Variants in ST18 observed in about 807,000 individuals in gnomAD.
ST18 encodes suppression of tumorigenicity 18 protein.
A neutral mutation model predicts 110.0 loss-of-function variants in ST18; 50 were observed. That is an observed-to-expected ratio of 0.45 (90% CI 0.36 to 0.58). The LOEUF (loss-of-function observed/expected upper bound fraction) is 0.58. Ranked by LOEUF, ST18 falls within the 20% of genes least tolerant of loss-of-function variation. The probability of loss-of-function intolerance (pLI) is 0.00; values close to 1 mark genes in which losing one functional copy is unlikely to be tolerated. For missense variants in ST18, 1,306 were observed against 1,280.1 expected, an observed-to-expected ratio of 1.02 and a Z score of -0.31; for synonymous variants, 461 against 452.4, an observed-to-expected ratio of 1.02 and a Z score of -0.24.
At chr8:52,248,050 A>T (rs1423727892) in intron 2 of ST18, among the ~76,000 whole-genome samples, 1 of 151,390 alleles carries the variant, frequency 6.6e-6, no homozygotes, top group Non-Finnish European at 1.5e-5. Flanking sequence ...GGCACATTTA[A>T]CAGAGGAAAA....
intron 3 of ST18, among the ~76,000 whole-genome samples, chr8:52,222,731 A>G (rs1490570186): frequency 6.6e-6 from 1 of 152,204 alleles, no homozygotes; most frequent in African/African-American, 2.4e-5. Context: ...GCACTATCAG[A>G]TCAAGGAGAT....
At chr8:52,132,576 C>T (rs1003096910) in intron 21 of ST18, among the ~76,000 whole-genome samples, 9 of 152,198 alleles carry the variant, frequency 5.9e-5, no homozygotes, top group African/African-American at 1.9e-4. Context: ...ACAGACGCTG[C>T]ATAGCACATT....
chr8:52,165,408 T>C (rs1038394980), intron 11 of ST18, among the ~76,000 whole-genome samples, 183 bp from the exon 12 acceptor site: 2 of 152,222 alleles, frequency 1.3e-5, no homozygotes, highest in South Asian at 2.1e-4. Flanking sequence ...TCCAGCAAGC[T>C]TGATCAAGTT....
chr8:52,277,048 T>A (rs1407149155), intron 2 of ST18, among the ~76,000 whole-genome samples: 2 of 152,220 alleles, frequency 1.3e-5, no homozygotes, highest in African/African-American at 2.4e-5. Context: ...ATTATAGGCA[T>A]GAGCCACAGT....
chr8:52,295,632 T>C (rs2095621154), intron 2 of ST18, among the ~76,000 whole-genome samples: 2 of 151,980 alleles, frequency 1.3e-5, no homozygotes, highest in African/African-American at 2.4e-5. Flanking sequence ...AGTACCTCTT[T>C]AGTAAGGTCA....
At chr8:52,161,262 C>A in intron 14 of ST18, 113 bp downstream of exon 14, 1 of 1,009,564 alleles carries the variant, frequency 9.9e-7, no homozygotes. Flanking sequence ...TCTCTCCTGC[C>A]AGCTGTATGT....
Position 52,110,997 on chromosome 8 carries a change from A to C in ST18, c.*2201T>G, listed in dbSNP as rs180693493. 2 of 398,812 alleles carry C rather than the reference A, an allele frequency of 5.0e-6. No individual in the cohort carries two copies. Among genetic ancestry groups the C allele is most frequent in the East Asian group, 7.1e-5 (2 of 28,020 alleles). The allele number at this position is 398,812 out of a possible 1,614,324, so 24.7% of individuals were successfully genotyped here. A position where few individuals can be genotyped will look rare whatever the true frequency, so the allele number is the denominator to read the frequency against. Reference sequence around the variant, plus strand: ...ATACATCATTGCCTTTTTGTTTACAAAAGACCCAATTTACAGTATTGATCA... The same window carrying C: ...ATACATCATTGCCTTTTTGTTTACACAAGACCCAATTTACAGTATTGATCA... On this transcript the variant is annotated 3_prime_UTR_variant, in exon 26 of 26. Transcript: ENST00000689386.
At chr8:52,402,553 G>A (rs1294715058) in intron 2 of ST18, among the ~76,000 whole-genome samples, 1 of 152,184 alleles carries the variant, frequency 6.6e-6, no homozygotes, top group Non-Finnish European at 1.5e-5. Flanking sequence ...CCAGAGAGCA[G>A]GCGACAGCTG....
intron 2 of ST18, among the ~76,000 whole-genome samples, chr8:52,376,818 G>A (rs558713910): frequency 1.4e-4 from 22 of 152,268 alleles, no homozygotes; most frequent in African/African-American, 4.3e-4. Flanking sequence ...TTACATGATC[G>A]AATTCTAAGG....
intron 10 of ST18, among the ~76,000 whole-genome samples, chr8:52,168,128 C>T (rs531582314): frequency 2.6e-5 from 4 of 151,046 alleles, no homozygotes; most frequent in South Asian, 2.1e-4. Context: ...GCCTGTCCCA[C>T]GGCACTTGGG....
At chr8:52,229,664 C>A (rs532049042) in intron 3 of ST18, 1 of 152,150 alleles carries the variant, frequency 6.6e-6, no homozygotes, top group Non-Finnish European at 1.5e-5. Flanking sequence ...AATCACATCC[C>A]TTTTGTCATG....
chr8:52,327,926 T>A (rs1225575026), intron 2 of ST18, among the ~76,000 whole-genome samples: 2 of 152,212 alleles, frequency 1.3e-5, no homozygotes, highest in African/African-American at 2.4e-5. Flanking sequence ...GATCATTAAT[T>A]CATGTTCAGA....
intron 12 of ST18, 80 bp from the exon 13 acceptor site, chr8:52,164,170 T>C (rs1032768781): frequency 8.9e-7 from 1 of 1,120,496 alleles, no homozygotes; most frequent in African/African-American, 1.5e-5. Context: ...CACAGCACAC[T>C]TGGCACACAC....
intron 2 of ST18, among the ~76,000 whole-genome samples, chr8:52,373,080 C>G (rs1458893517): frequency 6.6e-6 from 1 of 152,196 alleles, no homozygotes; most frequent in Non-Finnish European, 1.5e-5. Context: ...CACAGAGTTC[C>G]TAGGTCTCTG....
intron 2 of ST18, among the ~76,000 whole-genome samples, chr8:52,280,004 G>A (rs111326570): frequency 1.3e-5 from 2 of 152,226 alleles, no homozygotes; most frequent in African/African-American, 4.8e-5. Flanking sequence ...TTATTTTGGG[G>A]GAAATATTAA....
At chr8:52,349,936 A>G (rs937013714) in intron 2 of ST18, among the ~76,000 whole-genome samples, 1 of 152,144 alleles carries the variant, frequency 6.6e-6, no homozygotes, top group South Asian at 2.1e-4. Flanking sequence ...CTTTTGAGAT[A>G]GGCACACTTG....
intron 2 of ST18, among the ~76,000 whole-genome samples, chr8:52,370,194 G>A (rs534764378): frequency 1.3e-5 from 2 of 152,322 alleles, no homozygotes; most frequent in South Asian, 4.1e-4. Context: ...GCTATTCAGG[G>A]TTGAGGTGAG....
chr8:52,212,033 C>G, intron 8 of ST18, 46 bp downstream of exon 8: 1 of 1,570,584 alleles, frequency 6.4e-7, no homozygotes, highest in Admixed American at 1.9e-5. Flanking sequence ...TTCGAATAAT[C>G]AAGGCCCATT....
intron 22 of ST18, among the ~76,000 whole-genome samples, chr8:52,130,939 AAAT>A (rs921976064): frequency 6.6e-6 from 1 of 152,248 alleles, no homozygotes; most frequent in Non-Finnish European, 1.5e-5. Context: ...CCTGAATATG[AAAT>A]AATAATTCAA....
Sources: allele counts gnomAD v4.1 joint callset (sites outside exome capture counted in the v4.1 genomes callset), GRCh38; gene constraint gnomAD v4.1.1; transcripts MANE v1.5; gene names NCBI Gene and HGNC (gene_info 2026-07-23, HGNC 2026-07-21).